The following PARD3B variants were observed in gnomAD, a reference collection of about 807,000 sequenced individuals.
PARD3B encodes partitioning defective 3 homolog B.
Under a neutral mutation model 130.2 loss-of-function variants are expected in PARD3B, and 103 were observed. That is an observed-to-expected ratio of 0.79 (90% CI 0.67 to 0.93). The LOEUF (loss-of-function observed/expected upper bound fraction) is 0.93. Among genes scored for constraint, PARD3B ranks in the 40% least tolerant of loss-of-function variants. The probability of loss-of-function intolerance (pLI) is 0.00; values close to 1 mark genes in which losing one functional copy is unlikely to be tolerated. For synonymous variants in PARD3B, 583 were observed against 553.2 expected, an observed-to-expected ratio of 1.05 and a Z score of -0.76; for missense variants, 1,609 against 1,499.2, an observed-to-expected ratio of 1.07 and a Z score of -1.21.
At chr2:205,576,927 A>G (rs1001100532) in intron 22 of PARD3B, among the ~76,000 whole-genome samples, 2 of 152,194 alleles carry the variant, frequency 1.3e-5, no homozygotes, top group African/African-American at 2.4e-5. Context: ...ATCCATAAAC[A>G]TGGAATGTCT....
In PARD3B at chr2:205,615,706, G is replaced by A. The variant is rs373875034; in HGVS notation, c.3511G>A (p.Ala1171Thr). The A allele has an allele frequency of 1.3e-4, 209 of 1,614,042 alleles. No individual in the cohort carries two copies. The African/African-American group carries it at 2.6e-3, about 20-fold the overall frequency. Residue 1171 changes from alanine to threonine, a missense_variant, in exon 23 of 23, where the codon GCC (alanine) becomes ACC (threonine). Coordinates refer to ENST00000406610, the MANE Select transcript of PARD3B (RefSeq NM_001302769.2). The stretch of plus-strand genomic sequence containing the variant: ...CCCTCCCCAGCACCAAAGAATGCCA[G>A]CCTATCAGGAAACAGGCAGACCAGG... ...PSPPQHQRMP[A>T]YQETGRPGPR...
intron 3 of PARD3B, among the ~76,000 whole-genome samples, chr2:204,981,433 T>C (rs1325081548): frequency 6.6e-6 from 1 of 152,142 alleles, no homozygotes; most frequent in Non-Finnish European, 1.5e-5. Flanking sequence ...TAGAATAATT[T>C]CATAAAATAG....
At chr2:205,096,572 T>G (rs1702413194) in intron 4 of PARD3B, among the ~76,000 whole-genome samples, 1 of 152,128 alleles carries the variant, frequency 6.6e-6, no homozygotes. Flanking sequence ...GTTGTAGACT[T>G]TTAGTGCATT....
intron 3 of PARD3B, among the ~76,000 whole-genome samples, chr2:204,970,350 A>G (rs1317742380): frequency 6.6e-6 from 1 of 152,210 alleles, no homozygotes; most frequent in Non-Finnish European, 1.5e-5. Flanking sequence ...CTTTTTCCAA[A>G]CAAAAAATAA....
chr2:204,992,828 C>G (rs988387567), intron 3 of PARD3B, among the ~76,000 whole-genome samples: 3 of 142,942 alleles, frequency 2.1e-5, no homozygotes, highest in African/African-American at 7.8e-5. Context: ...GTATTTTATT[C>G]TCTTTGAAGC....
chr2:204,966,056 A>C (rs889646900), intron 3 of PARD3B, among the ~76,000 whole-genome samples: 2 of 152,180 alleles, frequency 1.3e-5, no homozygotes, highest in African/African-American at 2.4e-5. Flanking sequence ...TACTTAGAGC[A>C]CCTGTTATGA....
chr2:204,865,646 G>A (rs1378406491), intron 2 of PARD3B, among the ~76,000 whole-genome samples: 1 of 152,116 alleles, frequency 6.6e-6, no homozygotes, highest in Non-Finnish European at 1.5e-5. Flanking sequence ...AAGGGTGGGA[G>A]GCAGGTGAGG....
intron 2 of PARD3B, among the ~76,000 whole-genome samples, chr2:204,702,268 G>A (rs908428993): frequency 2.0e-5 from 3 of 152,174 alleles, no homozygotes; most frequent in Non-Finnish European, 4.4e-5. Context: ...CCAATAGTGG[G>A]ATTGCTGGGT....
chr2:204,982,874 T>C (rs547273964), intron 3 of PARD3B, among the ~76,000 whole-genome samples: 2 of 152,226 alleles, frequency 1.3e-5, no homozygotes, highest in African/African-American at 2.4e-5. Context: ...CTGTAGAGCT[T>C]GTCTTTTTTG....
intron 20 of PARD3B, among the ~76,000 whole-genome samples, chr2:205,465,236 A>G (rs1041474922): frequency 6.6e-6 from 1 of 152,182 alleles, no homozygotes; most frequent in African/African-American, 2.4e-5. Context: ...GTGAGAATCC[A>G]CTATTGCTAG....
chr2:205,028,202 G>C (rs902107788), intron 3 of PARD3B, among the ~76,000 whole-genome samples: 5 of 151,988 alleles, frequency 3.3e-5, no homozygotes, highest in African/African-American at 1.2e-4. Flanking sequence ...ATCCATGAAC[G>C]TGAGATCTCT....
At chr2:205,447,514 A>T (rs1391036086) in intron 20 of PARD3B, among the ~76,000 whole-genome samples, 1 of 152,136 alleles carries the variant, frequency 6.6e-6, no homozygotes, top group Non-Finnish European at 1.5e-5. Context: ...AGTAGCTGGG[A>T]TTACCCATGT....
In PARD3B at chr2:204,654,306, TA is replaced by T. The variant is rs1421067594; in HGVS notation, c.121-31871del. ...TGACAACCTAATGCAGGTTCTTGAA[TA>T]AAAGGGGTTAGTTTCTAATTTTGAT... On this transcript the variant is annotated intron_variant, in intron 1 of 22. Transcript: ENST00000406610. Among the ~76,000 whole-genome samples the T allele has an allele frequency of 3.3e-5, 5 of 151,284 alleles. 1 individual carries two copies. The highest frequency in any genetic ancestry group is 1.2e-4 in the African/African-American group (5 of 40,558).
intron 2 of PARD3B, among the ~76,000 whole-genome samples, chr2:204,819,244 G>A (rs1447856594): frequency 2.0e-5 from 3 of 152,226 alleles, no homozygotes; most frequent in Non-Finnish European, 2.9e-5. Context: ...TTGTCCAACA[G>A]CATGTGCTTG....
chr2:205,313,946 G>T (rs970368901), intron 18 of PARD3B, among the ~76,000 whole-genome samples: 2 of 151,992 alleles, frequency 1.3e-5, no homozygotes, highest in Non-Finnish European at 1.5e-5. Flanking sequence ...ATTTCCTAAT[G>T]GACCTATTTG....
rs2042923148 is a variant in PARD3B at position 205,325,886 on chromosome 2, C to T, written c.2630+24185C>T. ...GAAAAACAAATAAAAATAAATAAAA[C>T]AATTGTGAGAGCAAATAAACACAAA... On this transcript the variant is annotated intron_variant, in intron 18 of 22. Coordinates refer to ENST00000406610, the MANE Select transcript of PARD3B (RefSeq NM_001302769.2). The surrounding 1 kb of genome is among the most constrained non-coding windows in gnomAD (Gnocchi z 4.1). Among the ~76,000 whole-genome samples, 1 of 151,982 alleles carries T rather than the reference C, an allele frequency of 6.6e-6. No homozygotes were observed. Among genetic ancestry groups the T allele is most frequent in the Non-Finnish European group, 1.5e-5 (1 of 67,966 alleles).
rs1161350228 is a variant in PARD3B at position 205,291,966 on chromosome 2, G to A, written c.2186-8564G>A. 6.6e-6 allele frequency among the ~76,000 whole-genome samples: 1 copy of A among 152,224 alleles called. No individual in the cohort carries two copies. Among genetic ancestry groups the A allele is most frequent in the South Asian group, 2.1e-4 (1 of 4,836 alleles). Reference sequence around the variant, plus strand: ...TCCTTCCTACCAACAGGCCCAGAGTGCAAGGGCCCTGGAGACAGAGTGGTG... The same window carrying A: ...TCCTTCCTACCAACAGGCCCAGAGTACAAGGGCCCTGGAGACAGAGTGGTG... On this transcript the variant is annotated intron_variant, in intron 16 of 22. Transcript: ENST00000406610. This position sits in a 1 kb window ranked among gnomAD's most constrained non-coding sequence, Gnocchi z 4.6.
intron 15 of PARD3B, among the ~76,000 whole-genome samples, chr2:205,217,664 T>C (rs2037984281): frequency 6.6e-6 from 1 of 151,248 alleles, no homozygotes; most frequent in Non-Finnish European, 1.5e-5. Context: ...TTTCTTAATG[T>C]CTCTAACCTA....
At chr2:205,508,155 C>G (rs2106363367) in intron 21 of PARD3B, among the ~76,000 whole-genome samples, 1 of 152,316 alleles carries the variant, frequency 6.6e-6, no homozygotes, top group East Asian at 1.9e-4. Flanking sequence ...ACTAAAGTTG[C>G]TCTCTTTCTT....
Sources: allele counts gnomAD v4.1 joint callset (sites outside exome capture counted in the v4.1 genomes callset), GRCh38; gene constraint gnomAD v4.1.1; non-coding constraint Gnocchi (gnomAD v3.1); transcripts MANE v1.5; gene names NCBI Gene and HGNC (gene_info 2026-07-23, HGNC 2026-07-21).